TMEM71: variants seen among roughly 807,000 people sequenced by gnomAD.
The protein encoded by TMEM71 is transmembrane protein 71.
TMEM71 carries 44 observed loss-of-function variants against 38.0 expected under a neutral mutation model. That is an observed-to-expected ratio of 1.16 (90% confidence interval 0.91 to 1.49). TMEM71 has a LOEUF of 1.49. Among genes scored for constraint, TMEM71 ranks in the 40% most tolerant of loss-of-function variants. The pLI is 0.00. For missense variants in TMEM71, 367 were observed against 348.6 expected (o/e 1.05, Z -0.42); for synonymous variants, 133 against 122.5 (o/e 1.09, Z -0.56).
At chr8:132,731,555 C>T (rs1314722923) in intron 5 of TMEM71, among the ~76,000 whole-genome samples, 1 of 152,190 alleles carries the variant, frequency 6.6e-6, no homozygotes, top group Non-Finnish European at 1.5e-5. Flanking sequence ...ACAGGGTCCT[C>T]TCTAGAAGAA....
the TMEM71 span, among the ~76,000 whole-genome samples, chr8:132,767,201 A>G: frequency 8.5e-5 from 13 of 152,200 alleles, no homozygotes; most frequent in East Asian, 2.5e-3. Flanking sequence ...TTCCTTTTCC[A>G]TTACTCTCCT....
chr8:132,733,609 G>A (rs758622748), intron 5 of TMEM71, among the ~76,000 whole-genome samples: 1 of 152,190 alleles, frequency 6.6e-6, no homozygotes, highest in South Asian at 2.1e-4. Context: ...GTCTGTGGAT[G>A]CATCCCTGCT....
At chr8:132,713,927 A>G in intron 9 of TMEM71, 68 bp downstream of exon 9, 1 of 1,495,502 alleles carries the variant, frequency 6.7e-7, no homozygotes, top group Non-Finnish European at 9.3e-7. Context: ...TGCAGCAGAA[A>G]CCATTCTCAG....
Position 132,737,595 on chromosome 8 carries a change from A to G in TMEM71, c.487+9347T>C, listed in dbSNP as rs190108884. Among the ~76,000 whole-genome samples, 591 of 152,346 alleles carry G rather than the reference A, an allele frequency of 3.9e-3. 4 individuals carry two copies. Among genetic ancestry groups the G allele is most frequent in the African/African-American group, 0.012 (488 of 41,582 alleles). ...CGACTTCTTACCTGTGTGGCCTCAT[A>G]TATAGTACCTAAGCTACCTTAGCTT... is the stretch of plus-strand genomic sequence containing the variant. On this transcript the variant is annotated intron_variant, in intron 5 of 9. Coordinates refer to ENST00000677595, the MANE Select transcript of TMEM71 (RefSeq NM_001382403.1).
intron 7 of TMEM71, among the ~76,000 whole-genome samples, chr8:132,718,588 G>A (rs145490084): frequency 6.6e-6 from 1 of 152,016 alleles, no homozygotes; most frequent in Non-Finnish European, 1.5e-5. Flanking sequence ...TAGTAGAAAC[G>A]GGGTTTCACC....
At chr8:132,716,312 C>T (rs550472955) in intron 7 of TMEM71, among the ~76,000 whole-genome samples, 1 of 152,316 alleles carries the variant, frequency 6.6e-6, no homozygotes, top group Admixed American at 6.5e-5. Context: ...TTTGCTCACA[C>T]GCCCCTCACC....
chr8:132,715,944 C>A (rs1826501584), intron 7 of TMEM71, among the ~76,000 whole-genome samples: 1 of 152,168 alleles, frequency 6.6e-6, no homozygotes, highest in Non-Finnish European at 1.5e-5. Flanking sequence ...GTCCCATAAG[C>A]GATGGCAGCA....
chr8:132,756,037 C>T (rs1182352584), intron 3 of TMEM71, among the ~76,000 whole-genome samples: 1 of 151,992 alleles, frequency 6.6e-6, no homozygotes, highest in Admixed American at 6.6e-5. Flanking sequence ...AGGAGGCCTA[C>T]AATTTACAAG....
intron 5 of TMEM71, among the ~76,000 whole-genome samples, chr8:132,742,724 CAT>C (rs1233930777): frequency 2.0e-5 from 3 of 152,184 alleles, no homozygotes; most frequent in Non-Finnish European, 4.4e-5. Context: ...GAGTATATAA[CAT>C]ATCGAAGTAG....
intron 1 of TMEM71, 33 bp from the exon 2 acceptor site, chr8:132,758,948 A>G: frequency 1.4e-6 from 2 of 1,380,830 alleles, no homozygotes; most frequent in Non-Finnish European, 2.1e-6. Flanking sequence ...GGTGGACTAT[A>G]TATTAAAAAT....
the TMEM71 span, chr8:132,775,367 G>C: frequency 1.1e-5 from 4 of 361,788 alleles, no homozygotes; most frequent in Non-Finnish European, 2.0e-5. Flanking sequence ...GGCTGACGTC[G>C]CCGGGGCCCG....
the TMEM71 span, among the ~76,000 whole-genome samples, chr8:132,765,888 A>G: frequency 6.6e-6 from 1 of 151,990 alleles, no homozygotes; most frequent in African/African-American, 2.4e-5. Context: ...TCCCAGATTC[A>G]AGAGATTCTC....
intron 5 of TMEM71, among the ~76,000 whole-genome samples, chr8:132,737,449 T>C (rs1827810709): frequency 6.6e-6 from 1 of 152,204 alleles, no homozygotes; most frequent in Non-Finnish European, 1.5e-5. Flanking sequence ...CAGTTCTTCA[T>C]ATTCTTTTCT....
chr8:132,734,353 TA>T (rs201260473), intron 5 of TMEM71, among the ~76,000 whole-genome samples: 7 of 151,814 alleles, frequency 4.6e-5, no homozygotes, highest in South Asian at 2.1e-4. Context: ...ATAAAGCTGT[TA>T]AAAAAAAGAG....
chr8:132,726,985 T>C (rs1336711176), intron 6 of TMEM71, among the ~76,000 whole-genome samples: 1 of 151,594 alleles, frequency 6.6e-6, no homozygotes, highest in Non-Finnish European at 1.5e-5. Context: ...GCCGCCAGAG[T>C]AGCTGGGATT....
At chr8:132,723,132 C>T (rs1185011848) in intron 6 of TMEM71, among the ~76,000 whole-genome samples, 1 of 152,172 alleles carries the variant, frequency 6.6e-6, no homozygotes, top group African/African-American at 2.4e-5. Flanking sequence ...GGGTGGAATG[C>T]TGAAGATTGG....
upstream of TMEM71, among the ~76,000 whole-genome samples, chr8:132,761,265 T>C (rs1829289398): frequency 6.6e-6 from 1 of 151,964 alleles, no homozygotes; most frequent in East Asian, 1.9e-4. Flanking sequence ...AGACAGAAAT[T>C]CAACCTGTCT....
rs71930737 is a variant in TMEM71 at position 132,729,959 on chromosome 8, A to AT, written c.488-1974dup. Reference sequence around the variant, plus strand: ...TATAAGTAAGTGGGTTTTCAGTTAAATTTTTTTTTTTTTTTTGAGACGGAG... The same window carrying AT: ...TATAAGTAAGTGGGTTTTCAGTTAAATTTTTTTTTTTTTTTTTGAGACGGAG... On this transcript the variant is annotated intron_variant, in intron 5 of 9. Coordinates refer to ENST00000677595, the MANE Select transcript of TMEM71 (RefSeq NM_001382403.1). Among the ~76,000 whole-genome samples, 637 of 144,260 alleles carry AT rather than the reference A, an allele frequency of 4.4e-3. 3 individuals carry two copies. Among genetic ancestry groups the AT allele is most frequent in the East Asian group, 0.026 (131 of 4,970 alleles). The allele number at this position is 144,260 out of a possible 152,430, so 94.6% of individuals were successfully genotyped here. A position where few individuals can be genotyped will look rare whatever the true frequency, so the allele number is the denominator to read the frequency against.
chr8:132,721,983 C>A, intron 7 of TMEM71, 57 bp downstream of exon 7: 1 of 1,415,872 alleles, frequency 7.1e-7, no homozygotes, highest in Non-Finnish European at 1.0e-6. Context: ...AATCATCAAT[C>A]AGCTATAGTT....
Sources: allele counts gnomAD v4.1 joint callset (sites outside exome capture counted in the v4.1 genomes callset), GRCh38; gene constraint gnomAD v4.1.1; transcripts MANE v1.5; gene names NCBI Gene and HGNC (gene_info 2026-07-23, HGNC 2026-07-21).